The following PTCHD4 variants were observed in gnomAD, a reference collection of about 807,000 sequenced individuals.
The protein encoded by PTCHD4 is patched domain containing 4.
In PTCHD4, 33 loss-of-function variants were observed where a neutral mutation model predicts 58.1. That is an observed-to-expected ratio of 0.57 (90% CI 0.43 to 0.76). The LOEUF (loss-of-function observed/expected upper bound fraction) is 0.76. Among genes scored for constraint, PTCHD4 ranks in the 30% least tolerant of loss-of-function variants. The pLI is 0.00. For synonymous variants in PTCHD4, 478 were observed against 409.6 expected (o/e 1.17, Z -2.02); for missense variants, 1,058 against 1,027.1 (o/e 1.03, Z -0.41).
chr6:47,890,250 G>A (rs1388630171), intron 4 of PTCHD4, among the ~76,000 whole-genome samples: 1 of 151,730 alleles, frequency 6.6e-6, no homozygotes, highest in African/African-American at 2.4e-5. Flanking sequence ...AAAGTGAGAA[G>A]AGAAATAGCA....
chr6:47,949,695 A>G (rs1036831943), intron 4 of PTCHD4, among the ~76,000 whole-genome samples: 7 of 151,326 alleles, frequency 4.6e-5, no homozygotes, highest in Admixed American at 2.6e-4. Context: ...CCTTTCTTTG[A>G]TCCTTCAGAA....
At chr6:48,025,223 C>T (rs892798537) in intron 3 of PTCHD4, among the ~76,000 whole-genome samples, 12 of 152,078 alleles carry the variant, frequency 7.9e-5, no homozygotes, top group Admixed American at 3.9e-4. Flanking sequence ...TCATCTTCCC[C>T]GTGGATGGTA....
chr6:48,025,224 G>T (rs997314687), intron 3 of PTCHD4, among the ~76,000 whole-genome samples: 1 of 152,048 alleles, frequency 6.6e-6, no homozygotes, highest in South Asian at 2.1e-4. Context: ...CATCTTCCCC[G>T]TGGATGGTAG....
intron 3 of PTCHD4, among the ~76,000 whole-genome samples, chr6:48,058,263 T>A (rs574131842): frequency 6.6e-4 from 101 of 152,376 alleles, no homozygotes; most frequent in African/African-American, 2.4e-3. Flanking sequence ...TTTCAGCAGA[T>A]CCCGAATTAG....
chr6:48,041,257 C>A (rs1338211637), intron 3 of PTCHD4, among the ~76,000 whole-genome samples: 2 of 152,014 alleles, frequency 1.3e-5, no homozygotes, highest in African/African-American at 4.8e-5. Flanking sequence ...GCTACCACCT[C>A]TTGTAGTTTC....
chr6:47,883,716 A>T (rs1764092722), intron 4 of PTCHD4, among the ~76,000 whole-genome samples: 1 of 152,084 alleles, frequency 6.6e-6, no homozygotes, highest in African/African-American at 2.4e-5. Flanking sequence ...ATTGTCGGGG[A>T]CTGTCATGAA....
At chr6:47,930,425 A>T (rs1056984277) in intron 4 of PTCHD4, among the ~76,000 whole-genome samples, 1 of 152,228 alleles carries the variant, frequency 6.6e-6, no homozygotes, top group Non-Finnish European at 1.5e-5. Context: ...AGACTCTACA[A>T]CATCAAGGTA....
intron 3 of PTCHD4, among the ~76,000 whole-genome samples, chr6:48,023,543 C>G (rs536938197): frequency 6.6e-5 from 10 of 152,272 alleles, no homozygotes; most frequent in Non-Finnish European, 1.5e-4. Context: ...TTCTTGCTAT[C>G]ACATATAAAT....
At chr6:48,036,342 C>A (rs1763636466) in intron 3 of PTCHD4, among the ~76,000 whole-genome samples, 1 of 152,104 alleles carries the variant, frequency 6.6e-6, no homozygotes, top group South Asian at 2.1e-4. Context: ...TAGTGCCCCT[C>A]ATCCACAGTT....
intron 4 of PTCHD4, among the ~76,000 whole-genome samples, chr6:47,988,069 G>A (rs1483944420): frequency 6.6e-6 from 1 of 152,086 alleles, no homozygotes; most frequent in South Asian, 2.1e-4. Context: ...GAGCCACTGT[G>A]CCTGACCCCA....
rs1301703684 is a variant in PTCHD4 at position 47,873,262 on chromosome 6, T to C, written c.*5041A>G. ...ATAGTTTTGCAACACCACGTGATTC[T>C]CTCTGCTGTATTCTAAATCACAGAA... is the stretch of plus-strand genomic sequence containing the variant. On this transcript the variant is annotated 3_prime_UTR_variant, in exon 5 of 5. Transcript: ENST00000339488. 6.6e-6 allele frequency among the ~76,000 whole-genome samples: 1 copy of C among 151,752 alleles called. No individual in the cohort carries two copies. Among genetic ancestry groups the C allele is most frequent in the African/African-American group, 2.4e-5 (1 of 41,392 alleles).
At position 48,007,068 on chromosome 6, in the gene PTCHD4, G is replaced by A. The variant is rs190314953; in HGVS notation, c.898+1566C>T. ...AGCCTGGCCAACACGGTGAAACCTC[G>A]TCTCTACTAAAAATACAAAAAATTA... On this transcript the variant is annotated intron_variant, in intron 4 of 4. Transcript: ENST00000339488. Among the ~76,000 whole-genome samples, 482 of 152,038 alleles carry A rather than the reference G, an allele frequency of 3.2e-3. 4 individuals are homozygous for A. The highest frequency in any genetic ancestry group is 9.6e-3 in the African/African-American group (397 of 41,468).
At chr6:48,028,529 T>A (rs1763330110) in intron 3 of PTCHD4, among the ~76,000 whole-genome samples, 1 of 152,228 alleles carries the variant, frequency 6.6e-6, no homozygotes, top group Middle Eastern at 3.4e-3. Context: ...AAAGACAATA[T>A]CAAAAGTGCA....
intron 4 of PTCHD4, among the ~76,000 whole-genome samples, chr6:47,915,562 A>G (rs1030257718): frequency 2.5e-4 from 33 of 129,592 alleles, no homozygotes; most frequent in Non-Finnish European, 4.4e-4. Flanking sequence ...CATAGAAAAT[A>G]GAAGACAGAT....
At chr6:48,051,775 A>C (rs1764243034) in intron 3 of PTCHD4, among the ~76,000 whole-genome samples, 1 of 151,996 alleles carries the variant, frequency 6.6e-6, no homozygotes, top group Admixed American at 6.6e-5. Context: ...AAAAGAAAAC[A>C]TTTATTACCA....
At chr6:48,105,772 C>T (rs1281255033) in intron 1 of PTCHD4, among the ~76,000 whole-genome samples, 14 of 152,100 alleles carry the variant, frequency 9.2e-5, no homozygotes. Flanking sequence ...GGGGATATCA[C>T]CACCGATCCC....
At chr6:48,025,393 A>G (rs1763207735) in intron 3 of PTCHD4, among the ~76,000 whole-genome samples, 1 of 152,208 alleles carries the variant, frequency 6.6e-6, no homozygotes, top group South Asian at 2.1e-4. Context: ...ACAAAGCTAC[A>G]GGCACAAAAA....
intron 4 of PTCHD4, among the ~76,000 whole-genome samples, chr6:47,949,855 TA>T (rs1297217608): frequency 2.6e-5 from 4 of 152,006 alleles, no homozygotes; most frequent in Admixed American, 2.6e-4. Flanking sequence ...ACTAATGCAG[TA>T]AGGAACTTGG....
chr6:48,007,153 T>A (rs1416335026), intron 4 of PTCHD4, among the ~76,000 whole-genome samples: 1 of 152,046 alleles, frequency 6.6e-6, no homozygotes, highest in Non-Finnish European at 1.5e-5. Context: ...GGCAAGAGGA[T>A]CATTTGAACC....
Sources: allele counts gnomAD v4.1 joint callset (sites outside exome capture counted in the v4.1 genomes callset), GRCh38; gene constraint gnomAD v4.1.1; transcripts MANE v1.5; gene names NCBI Gene and HGNC (gene_info 2026-07-23, HGNC 2026-07-21).